The following DDX17 variants were observed in gnomAD, a reference collection of about 807,000 sequenced individuals.
DDX17 encodes probable ATP-dependent RNA helicase DDX17.
Under a neutral mutation model 80.8 loss-of-function variants are expected in DDX17, and 10 were observed. The ratio of observed to expected loss-of-function variants is 0.12; its 90% CI spans 0.08 to 0.21. The LOEUF (loss-of-function observed/expected upper bound fraction) is 0.21. Ranked by LOEUF, DDX17 falls within the 10% of genes least tolerant of loss-of-function variation. DDX17 has a pLI of 1.00. For missense variants in DDX17, 586 were observed against 957.4 expected, an observed-to-expected ratio of 0.61 and a Z score of 5.12; for synonymous variants, 339 against 336.2, an observed-to-expected ratio of 1.01 and a Z score of -0.09.
At chr22:38,503,696 A>G (rs138460) in intron 1 of DDX17, among the ~76,000 whole-genome samples, 145,268 of 152,310 alleles carry the variant, frequency 0.95, 69,397 homozygotes, top group Admixed American at 0.98. Context: ...ATTTGGCTTT[A>G]CAAAAAAATT....
intron 5 of DDX17, among the ~76,000 whole-genome samples, chr22:38,497,619 CAAAAAA>C (rs138449): frequency 4.0e-5 from 3 of 74,884 alleles, no homozygotes; most frequent in South Asian, 5.8e-4. Context: ...AATATATCTC[CAAAAAA>C]AAAAAAAAAA....
At chr22:38,486,957 G>A (rs1424690372) in intron 12 of DDX17, among the ~76,000 whole-genome samples, 1 of 152,192 alleles carries the variant, frequency 6.6e-6, no homozygotes, top group Non-Finnish European at 1.5e-5. Context: ...AGGGTCACTT[G>A]AGGTCAGCAG....
chr22:38,495,129 CG>C (rs1026744714), intron 6 of DDX17, 83 bp from the exon 7 acceptor site: 2 of 1,399,680 alleles, frequency 1.4e-6, no homozygotes, highest in Non-Finnish European at 9.6e-7. Flanking sequence ...GAAGAGGAGG[CG>C]GGAAGATCGC....
chr22:38,491,454 T>G (rs2089712830), intron 11 of DDX17: 1 of 152,180 alleles, frequency 6.6e-6, no homozygotes, highest in Admixed American at 6.5e-5. Flanking sequence ...CAGAAAATCA[T>G]CAGTTGATAA....
chr22:38,489,661 G>C lies in DDX17; in HGVS notation c.1448-1546C>G. On this transcript the variant is annotated intron_variant, in intron 11 of 12. Coordinates refer to ENST00000403230, the MANE Select transcript of DDX17 (RefSeq NM_006386.5). This position sits in a 1 kb window ranked among gnomAD's most constrained non-coding sequence, Gnocchi z 4.6. The stretch of plus-strand genomic sequence containing the variant: ...TAGCTGTTGTTACAGGGCTTGTGAA[G>C]AAGGGGCATTATGTCTGTTTCTTAT... The C allele has an allele frequency of 1.0e-6, 1 of 985,308 alleles. No homozygotes were observed. Among genetic ancestry groups the C allele is most frequent in the Non-Finnish European group, 1.2e-6 (1 of 829,930 alleles). The allele number at this position is 985,308 out of a possible 1,614,324, so 61.0% of individuals were successfully genotyped here. A position where few individuals can be genotyped will look rare whatever the true frequency, so the allele number is the denominator to read the frequency against.
intron 11 of DDX17, chr22:38,490,531 A>T (rs2089703599): frequency 9.5e-7 from 1 of 1,055,012 alleles, no homozygotes; most frequent in Admixed American, 2.5e-5. Flanking sequence ...ATCCCAGTGG[A>T]AAGGGAAGTG....
At chr22:38,487,597 C>T (rs903088596) in intron 12 of DDX17, among the ~76,000 whole-genome samples, 3 of 152,038 alleles carry the variant, frequency 2.0e-5, no homozygotes, top group Admixed American at 1.3e-4. Flanking sequence ...TCAGCCTGGG[C>T]GACAGAGCAA....
At chr22:38,501,102 G>GA in intron 2 of DDX17, 28 bp downstream of exon 2, 1 of 1,608,436 alleles carries the variant, frequency 6.2e-7, no homozygotes, top group East Asian at 2.2e-5. Context: ...TCAATAATCT[G>GA]TACATTAAAA....
At position 38,499,484 on chromosome 22, in the gene DDX17, G is replaced by C; in HGVS notation, c.454C>G (p.Leu152Val). 6.2e-7 allele frequency: 1 copy of C among 1,612,942 alleles called. No homozygotes were observed. The highest frequency in any genetic ancestry group is 8.5e-7 in the Non-Finnish European group (1 of 1,179,346). ...ACTGTAATCTCCTTCTTTCGGCGTA[G>C]CTCATCAACCTCATACTATTGAAAA... The change falls in exon 3 of 13, where the codon CTA (leucine) becomes GTA (valine). Residue 152 changes from leucine to valine, a missense_variant. Physicochemically the swap from Leu to Val is conservative, Grantham distance 32. This residue lies in a region of DDX17 where 215 missense variants were observed against 238.4 expected (regional missense o/e 0.90). Coordinates refer to ENST00000403230, the MANE Select transcript of DDX17 (RefSeq NM_006386.5).
At chr22:38,504,995 T>TC (rs1036928322) in intron 1 of DDX17, among the ~76,000 whole-genome samples, 24 of 152,106 alleles carry the variant, frequency 1.6e-4, no homozygotes, top group African/African-American at 3.1e-4. Context: ...TGCAACCTCC[T>TC]CCCCCCGGGT....
chr22:38,505,434 G>C (rs1466222430), intron 1 of DDX17: 1 of 153,838 alleles, frequency 6.5e-6, no homozygotes, highest in Non-Finnish European at 1.4e-5. Context: ...TTCTAAAAAT[G>C]AGAAGTTGGT....
rs1378470597 is a variant in DDX17 at position 38,500,848 on chromosome 22, C to G, written c.438+282G>C. Reference sequence around the variant, plus strand: ...AAAAAAAAAAAAAAAAAAAAAAAATCAGCTGGGTGCAGTGGCTCACGCCTG... The same window carrying G: ...AAAAAAAAAAAAAAAAAAAAAAAATGAGCTGGGTGCAGTGGCTCACGCCTG... On this transcript the variant is annotated intron_variant, in intron 2 of 12. Transcript: ENST00000403230. Among the ~76,000 whole-genome samples the G allele has an allele frequency of 2.3e-4, 10 of 43,606 alleles. No homozygotes were observed. The Admixed American group carries it at 2.4e-3, about 11-fold the overall frequency. The allele number at this position is 43,606 out of a possible 152,430, so 28.6% of individuals were successfully genotyped here.
intron 3 of DDX17, among the ~76,000 whole-genome samples, chr22:38,498,884 G>T (rs1222612488): frequency 6.6e-6 from 1 of 152,148 alleles, no homozygotes; most frequent in Non-Finnish European, 1.5e-5. Flanking sequence ...GAGTGGTGGT[G>T]GGCCCTTGTA....
chr22:38,504,293 G>A (rs1352619547), intron 1 of DDX17, among the ~76,000 whole-genome samples: 1 of 151,932 alleles, frequency 6.6e-6, no homozygotes, highest in African/African-American at 2.4e-5. Flanking sequence ...TCTTTTTCAC[G>A]GCTGATTCAA....
chr22:38,497,871 A>T (rs867447642), intron 5 of DDX17, among the ~76,000 whole-genome samples: 1 of 152,204 alleles, frequency 6.6e-6, no homozygotes, highest in African/African-American at 2.4e-5. Context: ...TGGTTTCTTT[A>T]AGAGTAAGAC....
intron 10 of DDX17, 178 bp downstream of exon 10, chr22:38,493,532 G>C (rs1287717433): frequency 1.7e-6 from 1 of 604,914 alleles, no homozygotes; most frequent in African/African-American, 1.9e-5. Flanking sequence ...TACAGCTTTT[G>C]TCCTAAAACA....
At chr22:38,504,799 G>C (rs1043876918) in intron 1 of DDX17, among the ~76,000 whole-genome samples, 1 of 151,972 alleles carries the variant, frequency 6.6e-6, no homozygotes, top group African/African-American at 2.4e-5. Flanking sequence ...TGACAACACA[G>C]CAAAGTAAAG....
In DDX17 at chr22:38,506,228, C is replaced by A; in HGVS notation, c.10G>T (p.Gly4Cys). 6.2e-7 allele frequency: 1 copy of A among 1,604,440 alleles called. No individual in the cohort carries two copies. The change falls in exon 1 of 13, where the codon GGC becomes TGC. Residue 4 changes from glycine (G) to cysteine (C), a missense_variant. Coordinates refer to ENST00000403230, the MANE Select transcript of DDX17 (RefSeq NM_006386.5). Reference sequence around the variant, plus strand: ...ACACAGAGAATCGGGGCTACAAAGCCGGTGGGCAGGTTTGGCTACGCTCAA... The same window carrying A: ...ACACAGAGAATCGGGGCTACAAAGCAGGTGGGCAGGTTTGGCTACGCTCAA...
intron 5 of DDX17, among the ~76,000 whole-genome samples, chr22:38,497,344 C>T (rs113249855): frequency 6.6e-5 from 9 of 135,350 alleles, no homozygotes; most frequent in East Asian, 2.3e-4. Context: ...ATGCCAGGCG[C>T]GGTGGCTCAC....
Sources: allele counts gnomAD v4.1 joint callset (sites outside exome capture counted in the v4.1 genomes callset), GRCh38; gene constraint gnomAD v4.1.1; regional missense constraint gnomAD v4.1.1; non-coding constraint Gnocchi (gnomAD v3.1); transcripts MANE v1.5; gene names NCBI Gene and HGNC (gene_info 2026-07-23, HGNC 2026-07-21).